The following DEPDC5 variants were observed in gnomAD, a reference collection of about 807,000 sequenced individuals.
DEPDC5 encodes DEP domain containing 5, GATOR1 subcomplex subunit.
Under a neutral mutation model 217.3 loss-of-function variants are expected in DEPDC5, and 73 were observed. That is an observed-to-expected ratio of 0.34 (90% confidence interval 0.28 to 0.41). DEPDC5 has a LOEUF of 0.41. Ranked by LOEUF, DEPDC5 falls within the 10% of genes least tolerant of loss-of-function variation. The pLI is 1.00. For missense variants in DEPDC5, 1,675 were observed against 2,070.1 expected (o/e 0.81, Z 3.70); for synonymous variants, 733 against 756.7 (o/e 0.97, Z 0.51).
At chr22:31,756,836 G>T (rs1279970675) in intron 2 of DEPDC5, among the ~76,000 whole-genome samples, 1 of 151,702 alleles carries the variant, frequency 6.6e-6, no homozygotes, top group Non-Finnish European at 1.5e-5. Context: ...CACGAGAATT[G>T]CTTGAACCCA....
chr22:31,890,131 T>G (rs2093408883), intron 38 of DEPDC5, among the ~76,000 whole-genome samples: 1 of 152,138 alleles, frequency 6.6e-6, no homozygotes, highest in Admixed American at 6.5e-5. Flanking sequence ...TTCTCATCCA[T>G]GCTTCACCTG....
chr22:31,851,623 G>A (rs1361309423), intron 31 of DEPDC5, among the ~76,000 whole-genome samples: 1 of 152,190 alleles, frequency 6.6e-6, no homozygotes, highest in African/African-American at 2.4e-5. Context: ...GGTGTGTAAT[G>A]GATATTTATT....
At chr22:31,889,902 A>G (rs1244104648) in intron 38 of DEPDC5, among the ~76,000 whole-genome samples, 1 of 152,172 alleles carries the variant, frequency 6.6e-6, no homozygotes, top group African/African-American at 2.4e-5. Flanking sequence ...GACAGAATGT[A>G]GTTTTGATGA....
chr22:31,770,685 C>T (rs2083271224), intron 7 of DEPDC5, among the ~76,000 whole-genome samples: 1 of 151,560 alleles, frequency 6.6e-6, no homozygotes, highest in Non-Finnish European at 1.5e-5. Flanking sequence ...AGCTACCTCA[C>T]CCGGCATATT....
intron 7 of DEPDC5, among the ~76,000 whole-genome samples, chr22:31,771,715 TCACACACACACACACA>T (rs55851105): frequency 0.032 from 2,501 of 78,052 alleles, 63 homozygotes; most frequent in East Asian, 0.094. Flanking sequence ...CAAGACTCCG[TCACACACACACACACA>T]CACACACACA....
intron 21 of DEPDC5, chr22:31,816,282 G>C (rs1450403838): frequency 6.7e-6 from 1 of 149,502 alleles, no homozygotes; most frequent in African/African-American, 2.5e-5. Flanking sequence ...CTGGGTGACA[G>C]AGGGAGACTC....
intron 4 of DEPDC5, 42 bp downstream of exon 4, chr22:31,760,744 C>A: frequency 1.4e-6 from 2 of 1,477,030 alleles, no homozygotes; most frequent in Non-Finnish European, 1.9e-6. Context: ...TTATTTACTG[C>A]CTCAGAAACT....
At chr22:31,783,815 T>G in intron 8 of DEPDC5, 92 bp from the exon 9 acceptor site, 1 of 1,056,368 alleles carries the variant, frequency 9.5e-7, no homozygotes, top group Non-Finnish European at 1.4e-6. Context: ...ACATTTACAC[T>G]GTTGTGAAGC....
In DEPDC5 at chr22:31,906,650, G is replaced by A; in HGVS notation, c.*153G>A. On this transcript the variant is annotated 3_prime_UTR_variant, in exon 43 of 43. Transcript: ENST00000651528. The surrounding 1 kb of genome is among the most constrained non-coding windows in gnomAD (Gnocchi z 5.1). Reference sequence around the variant, plus strand: ...TTTTTGTTTGTTTGTTTGTTTGTTTGTTTGTTTTTGGCCCCCACGACAAGT... The same window carrying A: ...TTTTTGTTTGTTTGTTTGTTTGTTTATTTGTTTTTGGCCCCCACGACAAGT... The A allele has an allele frequency of 4.7e-6, 5 of 1,065,480 alleles. No individual in the cohort carries two copies. In the South Asian group the frequency reaches 7.9e-5, roughly 17 times the overall value. 66.0% of individuals were successfully genotyped at this position (1,065,480 alleles called of 1,614,324 possible). A position where few individuals can be genotyped will look rare whatever the true frequency, so the allele number is the denominator to read the frequency against.
Position 31,768,864 on chromosome 22 carries a change from G to A in DEPDC5, c.413+1G>A, listed in dbSNP as rs1242036108. The A allele has an allele frequency of 6.2e-7, 1 of 1,613,804 alleles. No homozygotes were observed. The highest frequency in any genetic ancestry group is 8.5e-7 in the Non-Finnish European group (1 of 1,179,898). On this transcript the variant is annotated splice_donor_variant, in intron 7 of 42. Transcript: ENST00000651528. LOFTEE classifies it high-confidence loss of function. ...AGAAGGTGGAGTTTGCTGGCATCAG[G>A]TAGATATTACATCACTCTTGCCTTA...
Position 31,797,653 on chromosome 22 carries a change from T to C in DEPDC5, c.821T>C (p.Ile274Thr), listed in dbSNP as rs1172897578. ...REEWTSLLVT[I>T]KKLFIQYPVL... The stretch of plus-strand genomic sequence containing the variant: ...GAATGGACTTCACTTCTCGTAACCA[T>C]TAAAAAACTCTTCATCCAGTATCCA... Residue 274 changes from isoleucine to threonine, a missense_variant, in exon 13 of 43, where the codon ATT becomes ACT. By Grantham distance (89) the Ile-to-Thr change is moderately conservative (BLOSUM62 -1). This residue lies in a region of DEPDC5 where 628 missense variants were observed against 762.1 expected (regional missense o/e 0.82). Coordinates refer to ENST00000651528, the MANE Select transcript of DEPDC5 (RefSeq NM_001242896.3). 2 of 1,613,928 alleles carry C rather than the reference T, an allele frequency of 1.2e-6. No homozygotes were observed. Among genetic ancestry groups the C allele is most frequent in the African/African-American group, 2.7e-5 (2 of 74,898 alleles).
At chr22:31,838,223 G>A (rs2091162317) in intron 26 of DEPDC5, among the ~76,000 whole-genome samples, 1 of 151,894 alleles carries the variant, frequency 6.6e-6, no homozygotes, top group Non-Finnish European at 1.5e-5. Flanking sequence ...TCACCTCTTT[G>A]AACTGTTAAT....
intron 38 of DEPDC5, among the ~76,000 whole-genome samples, chr22:31,890,583 C>T (rs1190996184): frequency 1.3e-5 from 2 of 151,758 alleles, no homozygotes; most frequent in Non-Finnish European, 2.9e-5. Flanking sequence ...GTGATGTGCA[C>T]CTGTAGGCCC....
intron 24 of DEPDC5, among the ~76,000 whole-genome samples, chr22:31,823,965 T>C (rs2089938310): frequency 1.3e-5 from 2 of 152,102 alleles, no homozygotes; most frequent in South Asian, 2.1e-4. Flanking sequence ...ACAAAATGAG[T>C]GTGGAAAACA....
chr22:31,842,956 C>T, intron 27 of DEPDC5, 139 bp from the exon 28 acceptor site: 1 of 669,566 alleles, frequency 1.5e-6, no homozygotes, highest in Non-Finnish European at 2.4e-6. Context: ...TTTTTTTTAA[C>T]CAAGAATAAC....
chr22:31,854,958 GTT>G lies in DEPDC5; in HGVS notation c.3156-2472_3156-2471del, dbSNP rs200660036. On this transcript the variant is annotated intron_variant, in intron 31 of 42. Transcript: ENST00000651528. Reference sequence around the variant, plus strand: ...GTAAGGACTTAATTGAGTCTTGCTGGTTTTTTTTTTTTTTTTCTTTTTTTAAG... The same window carrying G: ...GTAAGGACTTAATTGAGTCTTGCTGGTTTTTTTTTTTTTTCTTTTTTTAAG... Among the ~76,000 whole-genome samples the G allele has an allele frequency of 4.3e-3, 596 of 140,176 alleles. 4 individuals are homozygous for G. Among genetic ancestry groups the G allele is most frequent in the African/African-American group, 0.015 (560 of 38,494 alleles). 92.0% of individuals were successfully genotyped at this position (140,176 alleles called of 152,430 possible).
At chr22:31,773,305 A>G (rs2083514544) in intron 7 of DEPDC5, among the ~76,000 whole-genome samples, 2 of 152,200 alleles carry the variant, frequency 1.3e-5, no homozygotes, top group South Asian at 4.1e-4. Context: ...CTCCCACCTC[A>G]GCCTCCTGAG....
At chr22:31,854,894 T>A (rs1166622725) in intron 31 of DEPDC5, among the ~76,000 whole-genome samples, 1 of 151,792 alleles carries the variant, frequency 6.6e-6, no homozygotes, top group East Asian at 1.9e-4. Flanking sequence ...GAGGAGCTTA[T>A]ACCTTAAAAA....
intron 7 of DEPDC5, among the ~76,000 whole-genome samples, chr22:31,774,354 C>A (rs2083626496): frequency 6.6e-6 from 1 of 151,776 alleles, no homozygotes; most frequent in Admixed American, 6.6e-5. Flanking sequence ...CACCCGCCAC[C>A]ATGCCTGGCT....
Sources: allele counts gnomAD v4.1 joint callset (sites outside exome capture counted in the v4.1 genomes callset), GRCh38; gene constraint gnomAD v4.1.1; regional missense constraint gnomAD v4.1.1; non-coding constraint Gnocchi (gnomAD v3.1); transcripts MANE v1.5; gene names NCBI Gene and HGNC (gene_info 2026-07-23, HGNC 2026-07-21).